SEZ6L2: variants seen among roughly 807,000 people sequenced by gnomAD.
SEZ6L2 encodes the protein seizure 6-like protein 2.
A neutral mutation model predicts 97.0 loss-of-function variants in SEZ6L2; 44 were observed. That is an observed-to-expected ratio of 0.45 (90% confidence interval 0.36 to 0.58). The LOEUF is 0.58. Ranked by LOEUF, SEZ6L2 falls within the 20% of genes least tolerant of loss-of-function variation. SEZ6L2 has a pLI of 0.00. For synonymous variants in SEZ6L2, 543 were observed against 546.1 expected (o/e 0.99, Z 0.08); for missense variants, 1,086 against 1,233.3 (o/e 0.88, Z 1.79).
chr16:29,891,821 C>T (rs74017644), intron 5 of SEZ6L2, among the ~76,000 whole-genome samples: 9,971 of 152,154 alleles, frequency 0.066, 956 homozygotes, highest in East Asian at 0.32. Context: ...CACCTATTAA[C>T]GGCAATAATA....
At chr16:29,885,060 T>C in intron 8 of SEZ6L2, among the ~76,000 whole-genome samples, 1 of 150,122 alleles carries the variant, frequency 6.7e-6, no homozygotes, top group South Asian at 2.1e-4. Flanking sequence ...ACAAAAAAAT[T>C]AGTCGGGCGC....
rs1330909596 is a variant in SEZ6L2 at position 29,897,052 on chromosome 16, C to T, written c.281G>A (p.Arg94Gln). Residue 94 changes from arginine (R) to glutamine (Q), a missense_variant, in exon 3 of 18, where the codon CGG (arginine) becomes CAG (glutamine). Coordinates refer to ENST00000617533, the MANE Select transcript of SEZ6L2 (RefSeq NM_001243332.2). ...AGGCCCTGTCCCCGGCTCAGTGGCC[C>T]GTGGCAGGGAGGGCACTGCGAGAGT... Reference protein sequence around the residue: ...GQTLAVPSLPRATEPGTGPLT... With the variant: ...GQTLAVPSLPQATEPGTGPLT... 3.8e-6 allele frequency: 6 copies of T among 1,580,832 alleles called. No homozygotes were observed. The African/African-American group carries it at 5.4e-5, about 14-fold the overall frequency.
At chr16:29,883,702 T>C (rs1596974451) in intron 8 of SEZ6L2, among the ~76,000 whole-genome samples, 1 of 151,868 alleles carries the variant, frequency 6.6e-6, no homozygotes, top group Admixed American at 6.6e-5. Context: ...GAGGCCGAGG[T>C]GGGAGGATCA....
intron 7 of SEZ6L2, among the ~76,000 whole-genome samples, chr16:29,886,449 G>A (rs2068141973): frequency 6.6e-6 from 1 of 151,926 alleles, no homozygotes; most frequent in African/African-American, 2.4e-5. Flanking sequence ...GCTGAGGTGG[G>A]TGGATCACGA....
intron 2 of SEZ6L2, 133 bp from the exon 3 acceptor site, chr16:29,897,254 C>G (rs543707075): frequency 1.3e-5 from 10 of 778,264 alleles, no homozygotes; most frequent in Non-Finnish European, 1.8e-5. Flanking sequence ...CAGCACCCCC[C>G]ACCTTTCCCT....
rs760962571 is a variant in SEZ6L2, at chr16:29,877,290, G to T, written c.1890C>A (p.Gly630=). The part of the protein sequence containing the change: ...PGPPNPGLGQ[G]FVLHFKEVPR... ...CAGTACCTTTGAAGTGCAATACGAA[G>T]CCCTGGCCCAGGCCTGGATTTGGGG... Residue 630 remains glycine (G), a synonymous_variant, in exon 11 of 18, where the codon GGC becomes GGA. Coordinates refer to ENST00000617533, the MANE Select transcript of SEZ6L2 (RefSeq NM_001243332.2). 7.5e-6 allele frequency: 12 copies of T among 1,603,604 alleles called. No individual in the cohort carries two copies. The East Asian group carries it at 2.7e-4, about 36-fold the overall frequency.
chr16:29,896,088 G>A (rs974053247), intron 3 of SEZ6L2, among the ~76,000 whole-genome samples: 3 of 151,938 alleles, frequency 2.0e-5, no homozygotes, highest in East Asian at 3.9e-4. Context: ...TCAGCCTCCC[G>A]AGTAGCTGGG....
Position 29,873,504 on chromosome 16 carries a change from C to G in SEZ6L2, c.2296+34G>C, listed in dbSNP as rs764984609. The G allele has an allele frequency of 6.2e-7, 1 of 1,613,950 alleles. No homozygotes were observed. Among genetic ancestry groups the G allele is most frequent in the South Asian group, 1.1e-5 (1 of 91,058 alleles). ...GGCAGACGGGCTCTCCCAGGGCTAC[C>G]CAGCCACCCTCCCAGGGTGTGCCCC... On this transcript the variant is annotated intron_variant, in intron 13 of 17. Transcript: ENST00000617533. The surrounding 1 kb of genome is among the most constrained non-coding windows in gnomAD (Gnocchi z 4.3).
At chr16:29,898,453 C>CT (rs2068455604) in intron 1 of SEZ6L2, among the ~76,000 whole-genome samples, 2 of 151,932 alleles carry the variant, frequency 1.3e-5, no homozygotes, top group African/African-American at 4.8e-5. Flanking sequence ...CTCTCCCCCC[C>CT]ACCCTCTCTC....
chr16:29,895,286 C>T lies in SEZ6L2; in HGVS notation c.826G>A (p.Gly276Ser). The T allele has an allele frequency of 6.2e-7, 1 of 1,614,148 alleles. No homozygotes were observed. The highest frequency in any genetic ancestry group is 8.5e-7 in the Non-Finnish European group (1 of 1,180,030). Residue 276 changes from glycine (G) to serine (S), a missense_variant, in exon 5 of 18, where the codon GGC becomes AGC. Coordinates refer to ENST00000617533, the MANE Select transcript of SEZ6L2 (RefSeq NM_001243332.2). The part of the protein sequence containing the change: ...LHFQSPRVPR[G>S]GGFRIHYQAY... ...TGATAGTGGATCCTGAAGCCACCGCCCCTTGGGACCCGTGGGCTCTGGAAG... is the reference window on the plus strand; with the variant it reads ...TGATAGTGGATCCTGAAGCCACCGCTCCTTGGGACCCGTGGGCTCTGGAAG...
chr16:29,879,769 G>A (rs1385372337), intron 9 of SEZ6L2, 95 bp downstream of exon 9: 2 of 1,124,024 alleles, frequency 1.8e-6, no homozygotes, highest in Non-Finnish European at 2.5e-6. Context: ...ATGAAGTCTG[G>A]ATGTGCAGCC....
Position 29,877,391 on chromosome 16 carries a change from G to A in SEZ6L2, c.1789C>T (p.Arg597Trp). The change falls in exon 11 of 18, where the codon CGG becomes TGG. Residue 597 changes from arginine to tryptophan, a missense_variant. Coordinates refer to ENST00000617533, the MANE Select transcript of SEZ6L2 (RefSeq NM_001243332.2). ...GPSARVLAQLRGPQPRRRLLS... is the reference protein window; with the variant it reads ...GPSARVLAQLWGPQPRRRLLS... ...AGGCGGCGGCGCGGCTGAGGTCCCC[G>A]CAGCTGGGCCAAGACTCGGGCGCTG... The A allele has an allele frequency of 6.2e-7, 1 of 1,613,274 alleles. No homozygotes were observed. Among genetic ancestry groups the A allele is most frequent in the Non-Finnish European group, 8.5e-7 (1 of 1,179,716 alleles).
intron 7 of SEZ6L2, among the ~76,000 whole-genome samples, chr16:29,886,697 G>A (rs1376380085): frequency 1.4e-5 from 2 of 145,988 alleles, no homozygotes; most frequent in Non-Finnish European, 3.0e-5. Flanking sequence ...AAAAAAAAAA[G>A]AGGATAGCAG....
intron 15 of SEZ6L2, 74 bp from the exon 16 acceptor site, chr16:29,872,600 C>T (rs564385045): frequency 6.3e-7 from 1 of 1,596,944 alleles, no homozygotes; most frequent in Admixed American, 1.7e-5. Context: ...TGCCCTGGGC[C>T]TCAAACCCTG....
chr16:29,872,004 A>C (rs773519828), intron 17 of SEZ6L2, among the ~76,000 whole-genome samples, 183 bp downstream of exon 17: 5 of 152,122 alleles, frequency 3.3e-5, no homozygotes, highest in Non-Finnish European at 7.4e-5. Flanking sequence ...CAAGTCCTCC[A>C]CTTAGCCACA....
intron 7 of SEZ6L2, among the ~76,000 whole-genome samples, chr16:29,886,808 T>G (rs912897010): frequency 6.6e-6 from 1 of 152,100 alleles, no homozygotes; most frequent in East Asian, 1.9e-4. Flanking sequence ...TATTGTTATC[T>G]CCATTCTACA....
At chr16:29,879,496 A>T (rs2067985795) in intron 9 of SEZ6L2, among the ~76,000 whole-genome samples, 1 of 152,124 alleles carries the variant, frequency 6.6e-6, no homozygotes, top group Non-Finnish European at 1.5e-5. Context: ...TAGTGCTGGT[A>T]TTACAGGCGT....
At chr16:29,877,778 T>A (rs1423177345) in intron 10 of SEZ6L2, among the ~76,000 whole-genome samples, 1 of 152,030 alleles carries the variant, frequency 6.6e-6, no homozygotes, top group East Asian at 1.9e-4. Flanking sequence ...CTAGCCCAAC[T>A]CCAGCTCTGG....
intron 5 of SEZ6L2, among the ~76,000 whole-genome samples, chr16:29,889,614 CTTTTTTTTTTTTTT>C (rs869108927): frequency 7.5e-4 from 53 of 70,570 alleles, no homozygotes; most frequent in South Asian, 4.3e-3. Context: ...CTTGAAACTT[CTTTTTTTTTTTTTT>C]TTTTTTTTTT....
Sources: gnomAD v4.1 joint callset for allele counts (sites outside exome capture counted in the v4.1 genomes callset) on GRCh38, gnomAD v4.1.1 for gene constraint, Gnocchi (gnomAD v3.1) non-coding constraint, MANE v1.5 for transcripts, NCBI Gene and HGNC (gene_info 2026-07-23, HGNC 2026-07-21) for gene names.